NUP88: variants seen among roughly 807,000 people sequenced by gnomAD.
The protein encoded by NUP88 is nucleoporin 88, also known as nuclear pore complex protein Nup88.
In NUP88, 57 loss-of-function variants were observed where a neutral mutation model predicts 93.9. The ratio of observed to expected loss-of-function variants is 0.61; its 90% CI spans 0.49 to 0.76. The LOEUF is 0.76. NUP88 is among the 30% of genes least tolerant of loss of function. The probability of loss-of-function intolerance (pLI) is 0.00; values close to 1 mark genes in which losing one functional copy is unlikely to be tolerated. For synonymous variants in NUP88, 346 were observed against 336.8 expected (o/e 1.03, Z -0.30); for missense variants, 911 against 901.0 (o/e 1.01, Z -0.14).
chr17:5,413,723 A>C (rs1021484600), intron 3 of NUP88, among the ~76,000 whole-genome samples: 1 of 152,348 alleles, frequency 6.6e-6, no homozygotes, highest in Middle Eastern at 3.4e-3. Context: ...TTTATGCTAC[A>C]TTATTACCAA....
In NUP88 at chr17:5,416,180, T is replaced by TATATACACACACACACAC. The variant is rs1374990658; in HGVS notation, c.467+332_467+333insGTGTGTGTGTGTGTATAT. On this transcript the variant is annotated intron_variant, in intron 2 of 16. Coordinates refer to ENST00000573584, the MANE Select transcript of NUP88 (RefSeq NM_002532.6). ...AAAAAAAAAAAAGTATATATATATA[T>TATATACACACACACACAC]ACACACATACACACACACACACACA... Among the ~76,000 whole-genome samples, 6 of 107,336 alleles carry TATATACACACACACACAC rather than the reference T, an allele frequency of 5.6e-5. No homozygotes were observed. The East Asian group carries it at 1.2e-3, about 22-fold the overall frequency. 70.4% of individuals were successfully genotyped at this position (107,336 alleles called of 152,430 possible). A position where few individuals can be genotyped will look rare whatever the true frequency, so the allele number is the denominator to read the frequency against.
intron 2 of NUP88, 150 bp downstream of exon 2, chr17:5,416,363 G>T: frequency 1.9e-6 from 1 of 524,008 alleles, no homozygotes; most frequent in Non-Finnish European, 3.3e-6. Context: ...CATATACTAT[G>T]AACATTGATA....
intron 3 of NUP88, 118 bp downstream of exon 3, chr17:5,413,891 C>T: frequency 9.6e-7 from 1 of 1,044,706 alleles, no homozygotes; most frequent in Non-Finnish European, 1.4e-6. Context: ...CAACAGCCAT[C>T]CAATAAAAGC....
intron 5 of NUP88, among the ~76,000 whole-genome samples, chr17:5,406,904 C>T (rs766989022): frequency 1.3e-5 from 2 of 152,070 alleles, no homozygotes; most frequent in East Asian, 1.9e-4. Flanking sequence ...TGTATACTTT[C>T]GAAAAATTTA....
intron 7 of NUP88, 103 bp from the exon 8 acceptor site, chr17:5,399,753 T>C (rs781355801): frequency 1.5e-5 from 8 of 550,000 alleles, no homozygotes; most frequent in African/African-American, 3.9e-5. Context: ...AACGCATTTG[T>C]TGATGGAAGG....
chr17:5,398,490 T>C (rs918260785), intron 8 of NUP88, among the ~76,000 whole-genome samples: 6 of 152,026 alleles, frequency 3.9e-5, no homozygotes, highest in African/African-American at 1.4e-4. Flanking sequence ...GGTTTCGCCA[T>C]GTTGACTAGA....
chr17:5,393,435 C>CTTTT (rs35265554), intron 9 of NUP88, among the ~76,000 whole-genome samples: 3 of 121,692 alleles, frequency 2.5e-5, no homozygotes, highest in Non-Finnish European at 5.2e-5. Flanking sequence ...GTTCACTTTT[C>CTTTT]TTTTTTTTTT....
rs1414603256 is a variant in NUP88 at position 5,385,400 on chromosome 17, C to T, written c.*806G>A. ...CTCATGCATGTCTAACCTGATTTAC[C>T]TCTTACCTGTAACCTACCTTATCAT... On this transcript the variant is annotated 3_prime_UTR_variant, in exon 17 of 17. Transcript: ENST00000573584. 4.3e-6 allele frequency: 1 copy of T among 230,384 alleles called. No homozygotes were observed. Among genetic ancestry groups the T allele is most frequent in the Non-Finnish European group, 8.6e-6 (1 of 116,446 alleles). The allele number at this position is 230,384 out of a possible 1,614,324, so 14.3% of individuals were successfully genotyped here.
At position 5,386,124 on chromosome 17, in the gene NUP88, T is replaced by C; in HGVS notation, c.*82A>G. 3 of 1,030,708 alleles carry C rather than the reference T, an allele frequency of 2.9e-6. No homozygotes were observed. The South Asian group carries it at 4.7e-5, about 16-fold the overall frequency. The allele number at this position is 1,030,708 out of a possible 1,614,324, so 63.8% of individuals were successfully genotyped here. ...GGTCATCAAAACACCTTTTTATAAA[T>C]TAGATAATTCTACCTGTTTTACAAT... On this transcript the variant is annotated 3_prime_UTR_variant, in exon 17 of 17. Coordinates refer to ENST00000573584, the MANE Select transcript of NUP88 (RefSeq NM_002532.6).
rs572502595 is a variant in NUP88 at position 5,388,281 on chromosome 17, G to A, written c.1644-377C>T. ...CTCCCAAAGTGCTGGGATTACAGCT[G>A]TAAGCCACCGTGCCCAGCCTAACTT... On this transcript the variant is annotated intron_variant, in intron 11 of 16. Transcript: ENST00000573584. The A allele has an allele frequency of 1.8e-5, 3 of 164,452 alleles. No homozygotes were observed. In the East Asian group the frequency reaches 5.3e-4, roughly 29 times the overall value. The allele number at this position is 164,452 out of a possible 1,614,324, so 10.2% of individuals were successfully genotyped here.
chr17:5,400,352 T>C (rs8066325), intron 7 of NUP88, among the ~76,000 whole-genome samples: 66,161 of 151,294 alleles, frequency 0.44, 15,212 homozygotes, highest in East Asian at 0.84. Context: ...AAAAATTAGC[T>C]GGCCGTGGTG....
At position 5,399,532 on chromosome 17, in the gene NUP88, C is replaced by T. The variant is rs1555528878; in HGVS notation, c.1291+20G>A. ...TTTCCTCTGAAATCTATTAAAAGTGCAGAGAGTTAGTAAACTCACCTGATC... is the reference window on the plus strand; with the variant it reads ...TTTCCTCTGAAATCTATTAAAAGTGTAGAGAGTTAGTAAACTCACCTGATC... On this transcript the variant is annotated intron_variant, in intron 8 of 16. Transcript: ENST00000573584. The T allele has an allele frequency of 1.6e-6, 2 of 1,262,962 alleles. No individual in the cohort carries two copies. The highest frequency in any genetic ancestry group is 2.3e-6 in the Non-Finnish European group (2 of 871,162). The allele number at this position is 1,262,962 out of a possible 1,614,324, so 78.2% of individuals were successfully genotyped here.
intron 2 of NUP88, among the ~76,000 whole-genome samples, chr17:5,415,861 T>C (rs1414059067): frequency 6.6e-6 from 1 of 151,948 alleles, no homozygotes; most frequent in Non-Finnish European, 1.5e-5. Context: ...TATATAAAAA[T>C]AGGCCAGGTG....
In NUP88 at chr17:5,408,731, A is replaced by C. The variant is rs1317469044; in HGVS notation, c.857+2T>G. The stretch of plus-strand genomic sequence containing the variant: ...TTCAGGTGGGTGACCACCTCAACTT[A>C]CCTGTGTAACAGACTGATGTATGTC... On this transcript the variant is annotated splice_donor_variant, in intron 5 of 16. Coordinates refer to ENST00000573584, the MANE Select transcript of NUP88 (RefSeq NM_002532.6). LOFTEE classifies it high-confidence loss of function. 1.3e-6 allele frequency: 2 copies of C among 1,586,154 alleles called. No homozygotes were observed. Among genetic ancestry groups the C allele is most frequent in the South Asian group, 1.2e-5 (1 of 86,956 alleles).
chr17:5,414,240 G>T, intron 2 of NUP88, 106 bp from the exon 3 acceptor site: 2 of 970,662 alleles, frequency 2.1e-6, no homozygotes, highest in Admixed American at 2.1e-5. Flanking sequence ...TTGTTGCCCA[G>T]GCTGGAGTGT....
At chr17:5,402,667 A>G (rs1200157843) in intron 7 of NUP88, among the ~76,000 whole-genome samples, 1 of 152,156 alleles carries the variant, frequency 6.6e-6, no homozygotes, top group Non-Finnish European at 1.5e-5. Flanking sequence ...CAAGATTGAA[A>G]TCCTCCTATG....
intron 5 of NUP88, 48 bp downstream of exon 5, chr17:5,408,685 G>A (rs754050927): frequency 1.7e-5 from 24 of 1,431,736 alleles, no homozygotes; most frequent in Non-Finnish European, 2.2e-5. Context: ...ATATCTACTG[G>A]AGCCCAAACT....
Position 5,405,390 on chromosome 17 carries a change from C to T in NUP88, c.858-147G>A, listed in dbSNP as rs535179113. ...CCCAATACTCCATCTTCTCGCTTTCCCACTCAGATCCCACCACTCTGTGTT... is the reference window on the plus strand; with the variant it reads ...CCCAATACTCCATCTTCTCGCTTTCTCACTCAGATCCCACCACTCTGTGTT... On this transcript the variant is annotated intron_variant, in intron 5 of 16. Transcript: ENST00000573584. 134 of 676,320 alleles carry T rather than the reference C, an allele frequency of 2.0e-4. 1 individual carries two copies. Among genetic ancestry groups the T allele is most frequent in the Admixed American group, 2.8e-4 (9 of 32,138 alleles). The allele number at this position is 676,320 out of a possible 1,614,324, so 41.9% of individuals were successfully genotyped here.
intron 10 of NUP88, among the ~76,000 whole-genome samples, chr17:5,389,497 G>C (rs1296538000): frequency 1.3e-5 from 2 of 152,244 alleles, no homozygotes; most frequent in Non-Finnish European, 2.9e-5. Context: ...TGAATGTTTG[G>C]TTGGGCGTGG....
Sources: gnomAD v4.1 joint callset for allele counts (sites outside exome capture counted in the v4.1 genomes callset) on GRCh38, gnomAD v4.1.1 for gene constraint, MANE v1.5 for transcripts, NCBI Gene and HGNC (gene_info 2026-07-23, HGNC 2026-07-21) for gene names.